Variants in FGF14 observed in about 807,000 individuals in gnomAD.
The protein encoded by FGF14 is fibroblast growth factor 14, also known as fibroblast growth factor homologous factor 4.
A neutral mutation model predicts 25.5 loss-of-function variants in FGF14; 5 were observed. That is an observed-to-expected ratio of 0.20 (90% CI 0.10 to 0.41). The LOEUF (loss-of-function observed/expected upper bound fraction) is 0.41, where lower values mean the gene tolerates loss of function less well. FGF14 is among the 10% of genes least tolerant of loss of function. The pLI is 1.00. For missense variants in FGF14, 222 were observed against 320.1 expected, an observed-to-expected ratio of 0.69 and a Z score of 2.34; for synonymous variants, 138 against 118.3, an observed-to-expected ratio of 1.17 and a Z score of -1.08.
At chr13:101,772,500 G>A (rs1391207426) in intron 3 of FGF14, among the ~76,000 whole-genome samples, 1 of 151,892 alleles carries the variant, frequency 6.6e-6, no homozygotes, top group Non-Finnish European at 1.5e-5. Context: ...TTTCTCTCAG[G>A]CTAGAAAAGC....
intron 1 of FGF14, among the ~76,000 whole-genome samples, chr13:102,085,170 C>T (rs2043833742): frequency 6.6e-6 from 1 of 152,084 alleles, no homozygotes; most frequent in African/African-American, 2.4e-5. Flanking sequence ...GTAAAATTCA[C>T]TTCTATTTAG....
At chr13:102,306,345 G>C (rs1397507633) in intron 1 of FGF14, among the ~76,000 whole-genome samples, 1 of 152,194 alleles carries the variant, frequency 6.6e-6, no homozygotes, top group East Asian at 1.9e-4. Flanking sequence ...TGATCAGTGG[G>C]AGATTCAAGC....
At chr13:102,373,195 C>T (rs1006924946) in intron 1 of FGF14, among the ~76,000 whole-genome samples, 4 of 152,092 alleles carry the variant, frequency 2.6e-5, no homozygotes, top group East Asian at 1.9e-4. Flanking sequence ...GGTCACATGG[C>T]GCTTCCTCTG....
intron 1 of FGF14, among the ~76,000 whole-genome samples, chr13:102,363,131 A>G (rs2139050319): frequency 6.6e-6 from 1 of 152,326 alleles, no homozygotes; most frequent in East Asian, 1.9e-4. Flanking sequence ...CACATCTGAA[A>G]GAAAAATGTT....
At chr13:101,975,377 C>T (rs568995612) in intron 1 of FGF14, among the ~76,000 whole-genome samples, 59 of 152,264 alleles carry the variant, frequency 3.9e-4, no homozygotes, top group South Asian at 8.3e-4. Context: ...TGCCTGACCC[C>T]CCACCATGAA....
At chr13:102,287,908 G>A (rs2054186182) in intron 1 of FGF14, among the ~76,000 whole-genome samples, 1 of 152,180 alleles carries the variant, frequency 6.6e-6, no homozygotes, top group South Asian at 2.1e-4. Flanking sequence ...CTGGCACACA[G>A]TAGGCATTCA....
intron 1 of FGF14, among the ~76,000 whole-genome samples, chr13:102,337,051 A>T (rs1235467358): frequency 6.6e-6 from 1 of 152,240 alleles, no homozygotes; most frequent in African/African-American, 2.4e-5. Context: ...TGCATTCTGC[A>T]GCCCATCAGT....
intron 1 of FGF14, among the ~76,000 whole-genome samples, chr13:102,168,117 C>G (rs980682626): frequency 6.6e-6 from 1 of 152,144 alleles, no homozygotes; most frequent in African/African-American, 2.4e-5. Context: ...TAAACCTTCA[C>G]TACTTTTCAT....
chr13:102,193,902 T>A (rs1459174996), intron 1 of FGF14, among the ~76,000 whole-genome samples: 1 of 151,506 alleles, frequency 6.6e-6, no homozygotes, highest in Non-Finnish European at 1.5e-5. Flanking sequence ...AGTCATGAAT[T>A]TTTTTATTAT....
rs531662519 is a variant in FGF14, at chr13:101,801,809, A to G, written c.408+66916T>C. On this transcript the variant is annotated intron_variant, in intron 3 of 4. Coordinates refer to ENST00000376143, the MANE Select transcript of FGF14 (RefSeq NM_004115.4). ...GCCTCTCAGGGAGGCAGCTAGCTCA[A>G]TGCTGGAGAGCACTAAGCCAAGGCA... 3.2e-5 allele frequency: 6 copies of G among 190,308 alleles called. No homozygotes were observed. The East Asian group carries it at 5.2e-4, about 17-fold the overall frequency. The allele number at this position is 190,308 out of a possible 1,614,324, so 11.8% of individuals were successfully genotyped here. A position where few individuals can be genotyped will look rare whatever the true frequency, so the allele number is the denominator to read the frequency against.
rs1194501409 is a variant in FGF14, at chr13:102,256,916, GA to G, written c.208+144554del. 4.6e-5 allele frequency among the ~76,000 whole-genome samples: 7 copies of G among 152,204 alleles called. No homozygotes were observed. The East Asian group carries it at 1.4e-3, about 29-fold the overall frequency. On this transcript the variant is annotated intron_variant, in intron 1 of 4. Coordinates refer to the FGF14 transcript ENST00000376131. Reference sequence around the variant, plus strand: ...ATTGGTCATGAATTGAAAATATGTTGAAAAAATAAATCATATTTTTGCTCAA... The same window carrying G: ...ATTGGTCATGAATTGAAAATATGTTGAAAAATAAATCATATTTTTGCTCAA...
intron 3 of FGF14, among the ~76,000 whole-genome samples, chr13:101,864,392 T>G (rs897927242): frequency 6.6e-6 from 1 of 152,164 alleles, no homozygotes; most frequent in African/African-American, 2.4e-5. Flanking sequence ...CTCCCCCAGA[T>G]ACCATTGCAG....
intron 1 of FGF14, among the ~76,000 whole-genome samples, chr13:102,020,555 G>GAAAGAGAGAGAGAGAAGGAAGGAAACA (rs577195397): frequency 6.6e-6 from 1 of 151,670 alleles, no homozygotes; most frequent in Non-Finnish European, 1.5e-5. Context: ...GAGAAACAAA[G>GAAAGAGAGAGAGAGAAGGAAGGAAACA]AAAGAGAGAG....
At chr13:102,091,046 T>A (rs544502495) in intron 1 of FGF14, among the ~76,000 whole-genome samples, 1 of 152,322 alleles carries the variant, frequency 6.6e-6, no homozygotes, top group East Asian at 1.9e-4. Context: ...CTTAAATCAA[T>A]GTAATATGTT....
At chr13:101,963,460 T>A (rs1050786445) in intron 1 of FGF14, among the ~76,000 whole-genome samples, 1 of 152,194 alleles carries the variant, frequency 6.6e-6, no homozygotes, top group African/African-American at 2.4e-5. Flanking sequence ...TTCACCCTTT[T>A]TTCCCCCTAT....
chr13:102,165,629 C>T, intron 1 of FGF14, among the ~76,000 whole-genome samples: 1 of 109,232 alleles, frequency 9.2e-6, no homozygotes, highest in African/African-American at 3.7e-5. Context: ...AACACGTGGA[C>T]ACAGGAAGGG....
At chr13:102,068,516 G>A (rs7986953) in intron 1 of FGF14, among the ~76,000 whole-genome samples, 11 of 151,964 alleles carry the variant, frequency 7.2e-5, no homozygotes, top group African/African-American at 2.2e-4. Context: ...CAGTGCTTGC[G>A]GGCCAGCTGG....
At chr13:102,055,299 T>C (rs941836906) in intron 1 of FGF14, among the ~76,000 whole-genome samples, 1 of 152,250 alleles carries the variant, frequency 6.6e-6, no homozygotes, top group Non-Finnish European at 1.5e-5. Context: ...GACATGCCTT[T>C]CCTTGACTTA....
intron 1 of FGF14, among the ~76,000 whole-genome samples, chr13:102,296,947 A>G (rs1232626556): frequency 2.0e-5 from 3 of 152,170 alleles, no homozygotes. Context: ...TCACACAAAT[A>G]TAGCAGAAGT....
Sources: allele counts gnomAD v4.1 joint callset (sites outside exome capture counted in the v4.1 genomes callset), GRCh38; gene constraint gnomAD v4.1.1; transcripts MANE v1.5; gene names NCBI Gene and HGNC (gene_info 2026-07-23, HGNC 2026-07-21).